Variants in KHDRBS2 observed in about 807,000 individuals in gnomAD.
KHDRBS2 encodes KH RNA binding domain containing, signal transduction associated 2, also known as KH domain-containing, RNA-binding, signal transduction-associated protein 2.
Under a neutral mutation model 44.3 loss-of-function variants are expected in KHDRBS2, and 26 were observed. That is an observed-to-expected ratio of 0.59 (90% confidence interval 0.43 to 0.81). The LOEUF (loss-of-function observed/expected upper bound fraction) is 0.81. KHDRBS2 is among the 40% of genes least tolerant of loss of function. KHDRBS2 has a pLI of 0.00. For synonymous variants in KHDRBS2, 194 were observed against 151.1 expected (o/e 1.28, Z -2.08); for missense variants, 476 against 433.1 (o/e 1.10, Z -0.88).
At chr6:61,850,316 C>CT (rs1175707949) in intron 6 of KHDRBS2, among the ~76,000 whole-genome samples, 1 of 152,044 alleles carries the variant, frequency 6.6e-6, no homozygotes, top group African/African-American at 2.4e-5. Context: ...TTGGCATCTG[C>CT]TTTTTGACTA....
At chr6:62,173,692 A>T (rs937908648) in intron 2 of KHDRBS2, among the ~76,000 whole-genome samples, 1 of 152,144 alleles carries the variant, frequency 6.6e-6, no homozygotes, top group Non-Finnish European at 1.5e-5. Context: ...AACCAAATCC[A>T]GCAGCAGGTT....
At chr6:62,221,588 G>A (rs1472521709) in intron 1 of KHDRBS2, among the ~76,000 whole-genome samples, 1 of 151,862 alleles carries the variant, frequency 6.6e-6, no homozygotes, top group Non-Finnish European at 1.5e-5. Context: ...AATTTAAAAA[G>A]AACATAAAAC....
At chr6:61,697,676 TAATC>T (rs965185002) in intron 7 of KHDRBS2, among the ~76,000 whole-genome samples, 1 of 152,176 alleles carries the variant, frequency 6.6e-6, no homozygotes. Context: ...ACTGTATTTA[TAATC>T]CCCTTTATCC....
chr6:62,168,354 T>TGTGTG (rs1819132681), intron 2 of KHDRBS2, among the ~76,000 whole-genome samples: 1 of 152,054 alleles, frequency 6.6e-6, no homozygotes, highest in Non-Finnish European at 1.5e-5. Flanking sequence ...ATTCTAAAAG[T>TGTGTG]ACATCAAAGA....
At chr6:61,963,323 T>G (rs1474564738) in intron 4 of KHDRBS2, among the ~76,000 whole-genome samples, 2 of 152,038 alleles carry the variant, frequency 1.3e-5, no homozygotes, top group African/African-American at 2.4e-5. Context: ...AATTTCAGAA[T>G]GAGGGAAATG....
chr6:61,976,007 G>A (rs1664897632), intron 4 of KHDRBS2, among the ~76,000 whole-genome samples: 1 of 152,162 alleles, frequency 6.6e-6, no homozygotes, highest in Non-Finnish European at 1.5e-5. Context: ...CAGCATGTCT[G>A]AAGTGCAATG....
At chr6:61,584,521 G>A in the KHDRBS2 span, among the ~76,000 whole-genome samples, 15 of 151,668 alleles carry the variant, frequency 9.9e-5, no homozygotes, top group Non-Finnish European at 2.1e-4. Flanking sequence ...AACTAATCTT[G>A]CATTTGTAGA....
At chr6:61,884,866 A>G (rs535566011) in intron 6 of KHDRBS2, among the ~76,000 whole-genome samples, 4 of 152,144 alleles carry the variant, frequency 2.6e-5, no homozygotes, top group African/African-American at 9.6e-5. Flanking sequence ...AGAGATGTGT[A>G]TTTTCCTATA....
intron 7 of KHDRBS2, among the ~76,000 whole-genome samples, chr6:61,706,973 G>C (rs1230442761): frequency 6.6e-6 from 1 of 151,508 alleles, no homozygotes; most frequent in African/African-American, 2.4e-5. Context: ...ACAGTTATAA[G>C]TGCTAAGGAG....
intron 6 of KHDRBS2, among the ~76,000 whole-genome samples, chr6:61,880,090 T>G (rs1039372477): frequency 1.3e-5 from 2 of 151,946 alleles, no homozygotes; most frequent in Non-Finnish European, 2.9e-5. Context: ...GGAGGAATTC[T>G]AAATTGGGAT....
intron 1 of KHDRBS2, among the ~76,000 whole-genome samples, chr6:62,262,683 T>C (rs1397288932): frequency 6.6e-6 from 1 of 151,700 alleles, no homozygotes; most frequent in Non-Finnish European, 1.5e-5. Context: ...TTTTAGCAAG[T>C]ATTGCTTTAT....
the KHDRBS2 span, among the ~76,000 whole-genome samples, chr6:61,647,734 A>T: frequency 2.0e-5 from 3 of 152,100 alleles, no homozygotes; most frequent in Non-Finnish European, 4.4e-5. Flanking sequence ...TTTTCCAGAG[A>T]TCTTTTGTGG....
chr6:62,166,229 G>C (rs1299030605), intron 2 of KHDRBS2, among the ~76,000 whole-genome samples: 1 of 151,918 alleles, frequency 6.6e-6, no homozygotes, highest in Non-Finnish European at 1.5e-5. Flanking sequence ...GTTTGTTGAG[G>C]ATATTTGGGC....
At chr6:62,263,927 T>C (rs1404819012) in intron 1 of KHDRBS2, among the ~76,000 whole-genome samples, 1 of 151,782 alleles carries the variant, frequency 6.6e-6, no homozygotes, top group South Asian at 2.1e-4. Context: ...ATGAAAGCCA[T>C]GGGACATCAT....
chr6:61,698,108 A>G (rs1445175948), intron 7 of KHDRBS2, among the ~76,000 whole-genome samples: 2 of 152,078 alleles, frequency 1.3e-5, no homozygotes, highest in Non-Finnish European at 2.9e-5. Flanking sequence ...AGATCTTAAC[A>G]TTTTCACATT....
chr6:62,012,437 T>C (rs1780474820), intron 3 of KHDRBS2, among the ~76,000 whole-genome samples: 1 of 152,142 alleles, frequency 6.6e-6, no homozygotes, highest in Non-Finnish European at 1.5e-5. Flanking sequence ...AAAGCTGTGT[T>C]TTTAAAATAT....
intron 6 of KHDRBS2, among the ~76,000 whole-genome samples, chr6:61,799,345 T>C (rs1412651787): frequency 6.6e-6 from 1 of 151,984 alleles, no homozygotes; most frequent in Non-Finnish European, 1.5e-5. Context: ...ATAATAGTTA[T>C]TTCTTTTTGC....
At chr6:62,137,520 A>G (rs1161378807) in intron 2 of KHDRBS2, among the ~76,000 whole-genome samples, 2 of 152,228 alleles carry the variant, frequency 1.3e-5, no homozygotes, top group Non-Finnish European at 2.9e-5. Flanking sequence ...ATCAAAAAGC[A>G]TTGCAAGATT....
At chr6:61,955,208 G>T (rs1766426995) in intron 4 of KHDRBS2, among the ~76,000 whole-genome samples, 1 of 141,738 alleles carries the variant, frequency 7.1e-6, no homozygotes, top group South Asian at 2.2e-4. Context: ...ACATATATAT[G>T]TATACATATG....
Sources: gnomAD v4.1 joint callset for allele counts (sites outside exome capture counted in the v4.1 genomes callset) on GRCh38, gnomAD v4.1.1 for gene constraint, MANE v1.5 for transcripts, NCBI Gene and HGNC (gene_info 2026-07-23, HGNC 2026-07-21) for gene names.